The following SENP7 variants were observed in gnomAD, a reference collection of about 807,000 sequenced individuals.
The protein encoded by SENP7 is SUMO specific peptidase 7, also known as sentrin-specific protease 7.
A neutral mutation model predicts 141.2 loss-of-function variants in SENP7; 64 were observed. That is an observed-to-expected ratio of 0.45 (90% CI 0.37 to 0.56). The LOEUF is 0.56. Among genes scored for constraint, SENP7 ranks in the 20% least tolerant of loss-of-function variants. The probability of loss-of-function intolerance (pLI) is 0.00; values close to 1 mark genes in which losing one functional copy is unlikely to be tolerated. For synonymous variants in SENP7, 382 were observed against 426.4 expected (o/e 0.90, Z 1.28); for missense variants, 1,025 against 1,212.2 (o/e 0.85, Z 2.29).
intron 6 of SENP7, among the ~76,000 whole-genome samples, chr3:101,374,603 A>C (rs1018578731): frequency 1.3e-5 from 2 of 151,640 alleles, no homozygotes; most frequent in South Asian, 2.1e-4. Context: ...CCCCACCCAC[A>C]CACACACACA....
At chr3:101,405,043 C>T (rs2107604629) in intron 5 of SENP7, among the ~76,000 whole-genome samples, 1 of 152,226 alleles carries the variant, frequency 6.6e-6, no homozygotes, top group African/African-American at 2.4e-5. Flanking sequence ...GGGAGGCAGA[C>T]TAGATTGCAG....
At chr3:101,420,974 T>A (rs2061775461) in intron 4 of SENP7, among the ~76,000 whole-genome samples, 1 of 152,124 alleles carries the variant, frequency 6.6e-6, no homozygotes, top group African/African-American at 2.4e-5. Context: ...CAAAAGTAAC[T>A]GCAGTTTTGG....
chr3:101,327,945 TAGC>T (rs1243860042), intron 22 of SENP7, 129 bp from the exon 23 acceptor site: 18 of 649,792 alleles, frequency 2.8e-5, no homozygotes, highest in Non-Finnish European at 4.6e-5. Flanking sequence ...CACTGAATTT[TAGC>T]AGTGCAACCT....
At chr3:101,338,712 G>A (rs1296506629) in intron 16 of SENP7, among the ~76,000 whole-genome samples, 2 of 152,160 alleles carry the variant, frequency 1.3e-5, no homozygotes, top group Non-Finnish European at 2.9e-5. Context: ...AAAAAGATCA[G>A]AGAGAATGAT....
At chr3:101,480,245 G>A (rs2064411820) in intron 3 of SENP7, among the ~76,000 whole-genome samples, 1 of 152,032 alleles carries the variant, frequency 6.6e-6, no homozygotes, top group South Asian at 2.1e-4. Context: ...CAAAGCTAGA[G>A]GCATCATACT....
At chr3:101,503,970 G>A (rs2065490061) in intron 1 of SENP7, among the ~76,000 whole-genome samples, 1 of 151,238 alleles carries the variant, frequency 6.6e-6, no homozygotes, top group Non-Finnish European at 1.5e-5. Flanking sequence ...AAAAGTCACT[G>A]AACTATACAC....
rs2058866653 is a variant in SENP7, at chr3:101,325,159, T to C, written c.*784A>G. 2 of 152,188 alleles carry C rather than the reference T, an allele frequency of 1.3e-5. No individual in the cohort carries two copies. The highest frequency in any genetic ancestry group is 6.6e-5 in the Admixed American group (1 of 15,246). The allele number at this position is 152,188 out of a possible 1,614,324, so 9.4% of individuals were successfully genotyped here. A position where few individuals can be genotyped will look rare whatever the true frequency, so the allele number is the denominator to read the frequency against. ...AATTCCGTGATAATGTGAGTGAATA[T>C]TTATATAGCAGTACCTCAAGTTGAG... On this transcript the variant is annotated 3_prime_UTR_variant, in exon 24 of 24. Coordinates refer to ENST00000394095, the MANE Select transcript of SENP7 (RefSeq NM_020654.5).
intron 3 of SENP7, among the ~76,000 whole-genome samples, chr3:101,461,868 C>T (rs1229595234): frequency 6.6e-6 from 1 of 152,106 alleles, no homozygotes; most frequent in Admixed American, 6.5e-5. Context: ...CATGGATGAA[C>T]TTTGAAAGCA....
intron 3 of SENP7, among the ~76,000 whole-genome samples, chr3:101,479,525 C>T (rs1199246050): frequency 6.6e-6 from 1 of 151,802 alleles, no homozygotes; most frequent in Admixed American, 6.6e-5. Context: ...AGGATGGTTT[C>T]CTTGTGCCCA....
chr3:101,365,693 C>A (rs968782216), intron 9 of SENP7, among the ~76,000 whole-genome samples: 1 of 148,886 alleles, frequency 6.7e-6, no homozygotes, highest in Non-Finnish European at 1.5e-5. Flanking sequence ...TTTTAATAAT[C>A]CTGTTAAACT....
At chr3:101,471,896 A>T (rs1343809053) in intron 3 of SENP7, among the ~76,000 whole-genome samples, 1 of 152,240 alleles carries the variant, frequency 6.6e-6, no homozygotes. Flanking sequence ...CAGACACATG[A>T]AAAAACACTC....
At chr3:101,482,537 G>C (rs1245325676) in intron 3 of SENP7, among the ~76,000 whole-genome samples, 1 of 151,972 alleles carries the variant, frequency 6.6e-6, no homozygotes, top group Non-Finnish European at 1.5e-5. Flanking sequence ...ATCCCAGCAA[G>C]TTACTTTGTG....
intron 3 of SENP7, among the ~76,000 whole-genome samples, chr3:101,459,862 C>A (rs1359725184): frequency 6.6e-6 from 1 of 151,540 alleles, no homozygotes; most frequent in Admixed American, 6.6e-5. Flanking sequence ...ATCGAAAGGC[C>A]AAAATCAGTT....
intron 3 of SENP7, among the ~76,000 whole-genome samples, chr3:101,472,983 C>T (rs376140048): frequency 6.6e-6 from 1 of 152,150 alleles, no homozygotes; most frequent in Non-Finnish European, 1.5e-5. Context: ...AACTTAGCTC[C>T]CACTTATAAG....
At chr3:101,505,710 G>A (rs1295178654) in intron 1 of SENP7, among the ~76,000 whole-genome samples, 1 of 151,990 alleles carries the variant, frequency 6.6e-6, no homozygotes, top group East Asian at 1.9e-4. Flanking sequence ...TTTGTATCTC[G>A]GCTTACTAGT....
chr3:101,343,578 C>T (rs2059382806), intron 14 of SENP7, 108 bp downstream of exon 14: 1 of 1,161,810 alleles, frequency 8.6e-7, no homozygotes, highest in African/African-American at 1.6e-5. Context: ...TGGGTTGGTT[C>T]CTATGCCCTT....
chr3:101,491,814 G>A (rs552223029), intron 3 of SENP7, among the ~76,000 whole-genome samples: 23 of 152,252 alleles, frequency 1.5e-4, no homozygotes, highest in African/African-American at 3.9e-4. Context: ...ATAGGAGGTC[G>A]GGCACGGTGC....
At position 101,410,748 on chromosome 3, in the gene SENP7, G is replaced by A. The variant is rs182367207; in HGVS notation, c.482+6845C>T. Among the ~76,000 whole-genome samples, 530 of 152,118 alleles carry A rather than the reference G, an allele frequency of 3.5e-3. 2 individuals are homozygous for A. Among genetic ancestry groups the A allele is most frequent in the Non-Finnish European group, 6.1e-3 (415 of 68,008 alleles). ...CGATCCCAGCTACTCGGGAGGCTGA[G>A]GCACAAGAATCACTTGAACCTGGAA... On this transcript the variant is annotated intron_variant, in intron 5 of 23. Transcript: ENST00000394095.
At chr3:101,404,435 C>T (rs1287081042) in intron 5 of SENP7, among the ~76,000 whole-genome samples, 1 of 152,112 alleles carries the variant, frequency 6.6e-6, no homozygotes, top group South Asian at 2.1e-4. Flanking sequence ...GGATTAAAGA[C>T]TTAAATGTAA....
Sources: allele counts gnomAD v4.1 joint callset (sites outside exome capture counted in the v4.1 genomes callset), GRCh38; gene constraint gnomAD v4.1.1; transcripts MANE v1.5; gene names NCBI Gene and HGNC (gene_info 2026-07-23, HGNC 2026-07-21).